Variants in FBXL17 observed in about 807,000 individuals in gnomAD.
The protein encoded by FBXL17 is F-box and leucine rich repeat protein 17, also known as F-box/LRR-repeat protein 17.
A neutral mutation model predicts 66.2 loss-of-function variants in FBXL17; 22 were observed. That is an observed-to-expected ratio of 0.33 (90% CI 0.24 to 0.47). The LOEUF is 0.47. FBXL17 is among the 20% of genes least tolerant of loss of function. FBXL17 has a pLI of 1.00. For missense variants in FBXL17, 878 were observed against 948.2 expected, an observed-to-expected ratio of 0.93 and a Z score of 0.97; for synonymous variants, 474 against 400.5, an observed-to-expected ratio of 1.18 and a Z score of -2.19.
At chr5:108,040,304 C>T (rs949813636) in intron 6 of FBXL17, among the ~76,000 whole-genome samples, 2 of 152,112 alleles carry the variant, frequency 1.3e-5, no homozygotes, top group Non-Finnish European at 2.9e-5. Flanking sequence ...GGGAAAAAGA[C>T]ACGTACATGG....
At chr5:108,304,798 C>T (rs1388029009) in intron 4 of FBXL17, among the ~76,000 whole-genome samples, 1 of 151,954 alleles carries the variant, frequency 6.6e-6, no homozygotes, top group Non-Finnish European at 1.5e-5. Flanking sequence ...CATATTTCAG[C>T]CTTGTACATA....
intron 7 of FBXL17, among the ~76,000 whole-genome samples, chr5:107,911,939 A>C (rs1749961306): frequency 6.6e-6 from 1 of 152,152 alleles, no homozygotes; most frequent in Non-Finnish European, 1.5e-5. Flanking sequence ...ACTAGTAATA[A>C]GGGAAATGCA....
intron 6 of FBXL17, among the ~76,000 whole-genome samples, chr5:108,100,643 G>C (rs560325141): frequency 2.4e-4 from 36 of 152,214 alleles, no homozygotes; most frequent in Middle Eastern, 3.4e-3. Context: ...GACTCTTCTT[G>C]ATAATTTACA....
At chr5:108,099,346 A>G (rs1749513060) in intron 6 of FBXL17, among the ~76,000 whole-genome samples, 1 of 152,204 alleles carries the variant, frequency 6.6e-6, no homozygotes, top group African/African-American at 2.4e-5. Context: ...AATTAAACTA[A>G]CCAAAGACAG....
chr5:108,276,539 C>T (rs952344250), intron 4 of FBXL17, among the ~76,000 whole-genome samples: 15 of 152,116 alleles, frequency 9.9e-5, no homozygotes, highest in African/African-American at 3.6e-4. Context: ...ACACTGCAAT[C>T]TACCACCAGG....
At chr5:108,250,226 G>C (rs1756286470) in intron 4 of FBXL17, among the ~76,000 whole-genome samples, 1 of 151,948 alleles carries the variant, frequency 6.6e-6, no homozygotes, top group African/African-American at 2.4e-5. Flanking sequence ...CATGTGAATG[G>C]GGCCAACGTC....
chr5:108,381,976 A>C lies in FBXL17; in HGVS notation c.-285T>G, dbSNP rs1033395800. The C allele has an allele frequency of 7.4e-6, 9 of 1,215,712 alleles. No homozygotes were observed. Among genetic ancestry groups the C allele is most frequent in the Non-Finnish European group, 9.2e-6 (9 of 974,862 alleles). 75.3% of individuals were successfully genotyped at this position (1,215,712 alleles called of 1,614,324 possible). On this transcript the variant is annotated 5_prime_UTR_variant, in exon 1 of 9. Coordinates refer to ENST00000542267, the MANE Select transcript of FBXL17 (RefSeq NM_001163315.3). ...GAGGGAGCGAGCGAGCCTGCCGGCTAGGCGACCAGTCCGGGCCCGGCCAGC... is the reference window on the plus strand; with the variant it reads ...GAGGGAGCGAGCGAGCCTGCCGGCTCGGCGACCAGTCCGGGCCCGGCCAGC...
In FBXL17 at chr5:108,381,245, G is replaced by A; in HGVS notation, c.447C>T (p.Ala149=). 1 of 1,443,760 alleles carries A rather than the reference G, an allele frequency of 6.9e-7. No individual in the cohort carries two copies. The highest frequency in any genetic ancestry group is 9.1e-7 in the Non-Finnish European group (1 of 1,100,744). 89.4% of individuals were successfully genotyped at this position (1,443,760 alleles called of 1,614,324 possible). A position where few individuals can be genotyped will look rare whatever the true frequency, so the allele number is the denominator to read the frequency against. The change falls in exon 1 of 9, where the codon GCC becomes GCT. Residue 149 remains alanine, a synonymous_variant. Coordinates refer to ENST00000542267, the MANE Select transcript of FBXL17 (RefSeq NM_001163315.3). ...SCCKELGLAA[A]AAWEQQGRSL... ...TTCGGCCCTGCTGCTCCCAGGCGGC[G>A]GCCGCAGCCAGCCCCAACTCTTTGC... is the stretch of plus-strand genomic sequence containing the variant.
chr5:108,261,807 T>C (rs1407955069), intron 4 of FBXL17, among the ~76,000 whole-genome samples: 1 of 151,522 alleles, frequency 6.6e-6, no homozygotes, highest in African/African-American at 2.4e-5. Flanking sequence ...AGAACTAAAA[T>C]GCTAAACAAT....
intron 4 of FBXL17, among the ~76,000 whole-genome samples, chr5:108,332,211 T>C (rs1156910145): frequency 2.0e-5 from 3 of 152,182 alleles, no homozygotes; most frequent in East Asian, 1.9e-4. Context: ...ATTAATAGTA[T>C]GGATGGAGCG....
At chr5:107,980,380 C>T (rs761305666) in intron 7 of FBXL17, among the ~76,000 whole-genome samples, 3 of 150,150 alleles carry the variant, frequency 2.0e-5, no homozygotes, top group Non-Finnish European at 3.0e-5. Context: ...GATCTAAAAC[C>T]ACCCACAAAT....
At chr5:108,220,362 A>C (rs529762389) in intron 5 of FBXL17, among the ~76,000 whole-genome samples, 1 of 152,138 alleles carries the variant, frequency 6.6e-6, no homozygotes, top group Non-Finnish European at 1.5e-5. Context: ...CCTGTGCTGC[A>C]GTCTGGAAAC....
chr5:107,985,677 A>C (rs1752987527), intron 7 of FBXL17, among the ~76,000 whole-genome samples: 1 of 152,184 alleles, frequency 6.6e-6, no homozygotes, highest in African/African-American at 2.4e-5. Context: ...ATACATCTGA[A>C]TGATCTCATA....
chr5:108,345,808 A>C (rs1195972682), intron 4 of FBXL17, among the ~76,000 whole-genome samples: 1 of 152,128 alleles, frequency 6.6e-6, no homozygotes, highest in Non-Finnish European at 1.5e-5. Context: ...TGTATACTCA[A>C]ATACTACCAA....
chr5:108,304,916 CTCTACTGTATG>C (rs1468288289), intron 4 of FBXL17, among the ~76,000 whole-genome samples: 1 of 152,030 alleles, frequency 6.6e-6, no homozygotes, highest in Non-Finnish European at 1.5e-5. Flanking sequence ...GGGACCAATA[CTCTACTGTATG>C]TCTACAATAA....
At chr5:108,279,562 A>G (rs1757620986) in intron 4 of FBXL17, among the ~76,000 whole-genome samples, 1 of 152,140 alleles carries the variant, frequency 6.6e-6, no homozygotes, top group African/African-American at 2.4e-5. Context: ...GGAAAAAAAA[A>G]AAAAGTAATA....
At chr5:108,305,712 TAAAG>T (rs1295626392) in intron 4 of FBXL17, among the ~76,000 whole-genome samples, 21 of 152,046 alleles carry the variant, frequency 1.4e-4, no homozygotes, top group Admixed American at 1.4e-3. Flanking sequence ...GAACTGAAAA[TAAAG>T]AGAAGACTAA....
intron 5 of FBXL17, among the ~76,000 whole-genome samples, chr5:108,196,854 T>C (rs1002416779): frequency 3.3e-5 from 5 of 152,238 alleles, no homozygotes; most frequent in Non-Finnish European, 7.3e-5. Flanking sequence ...ATGAGTTCTC[T>C]ATTTACATAT....
chr5:108,125,646 A>G (rs544697145), intron 6 of FBXL17, among the ~76,000 whole-genome samples: 1 of 152,168 alleles, frequency 6.6e-6, no homozygotes, highest in South Asian at 2.1e-4. Context: ...GATAGTTTTG[A>G]TGGAACGTGG....
Sources: gnomAD v4.1 joint callset for allele counts (sites outside exome capture counted in the v4.1 genomes callset) on GRCh38, gnomAD v4.1.1 for gene constraint, MANE v1.5 for transcripts, NCBI Gene and HGNC (gene_info 2026-07-23, HGNC 2026-07-21) for gene names.